ZMAT3: variants seen among roughly 807,000 people sequenced by gnomAD.
ZMAT3 encodes zinc finger matrin-type 3, also known as zinc finger matrin-type protein 3.
Under a neutral mutation model 32.3 loss-of-function variants are expected in ZMAT3, and 17 were observed. That is an observed-to-expected ratio of 0.53 (90% CI 0.36 to 0.79). The LOEUF (loss-of-function observed/expected upper bound fraction) is 0.79. ZMAT3 is among the 30% of genes least tolerant of loss of function. The pLI is 0.00. For synonymous variants in ZMAT3, 120 were observed against 133.1 expected, an observed-to-expected ratio of 0.90 and a Z score of 0.68; for missense variants, 329 against 359.7, an observed-to-expected ratio of 0.91 and a Z score of 0.69.
At chr3:179,058,026 TA>T (rs926358334) in intron 2 of ZMAT3, among the ~76,000 whole-genome samples, 2 of 152,218 alleles carry the variant, frequency 1.3e-5, no homozygotes, top group Non-Finnish European at 2.9e-5. Flanking sequence ...TAGGAGTCCT[TA>T]CACAGGTCCG....
At chr3:179,068,918 C>T (rs1009735353) in intron 1 of ZMAT3, among the ~76,000 whole-genome samples, 2 of 152,166 alleles carry the variant, frequency 1.3e-5, no homozygotes, top group East Asian at 1.9e-4. Flanking sequence ...CTATATGGGA[C>T]GCAATTAGCT....
chr3:179,035,838 C>T, intron 2 of ZMAT3, among the ~76,000 whole-genome samples: 1 of 152,218 alleles, frequency 6.6e-6, no homozygotes, highest in East Asian at 1.9e-4. Flanking sequence ...TCACGGAAGA[C>T]TTCCCTGAAA....
intron 2 of ZMAT3, among the ~76,000 whole-genome samples, chr3:179,031,292 T>G (rs1162401457): frequency 6.6e-6 from 1 of 151,398 alleles, no homozygotes; most frequent in East Asian, 1.9e-4. Flanking sequence ...GGTTTTAGGC[T>G]TCTACTAGAG....
chr3:179,025,808 A>C (rs1718836380), intron 5 of ZMAT3, among the ~76,000 whole-genome samples: 1 of 152,220 alleles, frequency 6.6e-6, no homozygotes, highest in African/African-American at 2.4e-5. Flanking sequence ...TGAATATCCC[A>C]AACTAGGATC....
intron 2 of ZMAT3, among the ~76,000 whole-genome samples, chr3:179,051,905 C>T (rs563117254): frequency 6.6e-6 from 1 of 152,110 alleles, no homozygotes; most frequent in East Asian, 1.9e-4. Context: ...TTCAACAAAA[C>T]AAACAAAAAC....
chr3:179,052,583 GT>G (rs546525011), intron 2 of ZMAT3, among the ~76,000 whole-genome samples: 36 of 152,130 alleles, frequency 2.4e-4, no homozygotes, highest in Non-Finnish European at 4.4e-4. Flanking sequence ...GGAAAACAGT[GT>G]GGAGATTCCT....
intron 5 of ZMAT3, among the ~76,000 whole-genome samples, chr3:179,026,850 T>G (rs1306634992): frequency 6.6e-6 from 1 of 152,176 alleles, no homozygotes. Context: ...CAGCCCACTC[T>G]CCCTACTGAA....
At chr3:179,037,359 T>C (rs1279812802) in intron 2 of ZMAT3, among the ~76,000 whole-genome samples, 3 of 152,202 alleles carry the variant, frequency 2.0e-5, no homozygotes, top group African/African-American at 4.8e-5. Context: ...CTGCCATTAC[T>C]GACATCTCTG....
intron 2 of ZMAT3, among the ~76,000 whole-genome samples, chr3:179,034,328 T>C (rs747706956): frequency 6.6e-6 from 1 of 152,202 alleles, no homozygotes; most frequent in Non-Finnish European, 1.5e-5. Flanking sequence ...CAGAGTCAAA[T>C]CCAGTGGTCA....
intron 2 of ZMAT3, among the ~76,000 whole-genome samples, chr3:179,044,423 T>C (rs1213955748): frequency 6.6e-6 from 1 of 152,068 alleles, no homozygotes; most frequent in Non-Finnish European, 1.5e-5. Flanking sequence ...GGCAGGAGGA[T>C]CACAAGGTCA....
At chr3:179,070,139 T>TAAAGG in intron 1 of ZMAT3, among the ~76,000 whole-genome samples, 1 of 152,156 alleles carries the variant, frequency 6.6e-6, no homozygotes, top group East Asian at 1.9e-4. Context: ...AACCTCTGGA[T>TAAAGG]AAAGGAAATC....
chr3:179,031,986 TCCCCCTCCTCCTCCCCCTCCCCCTCCTC>T lies in ZMAT3; in HGVS notation c.271-1015_271-988del, dbSNP rs1719253570. On this transcript the variant is annotated intron_variant, in intron 2 of 5. Coordinates refer to ENST00000311417, the MANE Select transcript of ZMAT3 (RefSeq NM_022470.4). ...CTCCTCCTCCCCCTCCCCCTCCTCC[TCCCCCTCCTCCTCCCCCTCCCCCTCCTC>T]CTCCCCCTCCCCCTCCACACAGCCT... is the stretch of plus-strand genomic sequence containing the variant. 2.9e-3 allele frequency among the ~76,000 whole-genome samples: 9 copies of T among 3,052 alleles called. 2 individuals carry two copies. Among genetic ancestry groups the T allele is most frequent in the African/African-American group, 9.9e-3 (7 of 708 alleles). 2.0% of individuals were successfully genotyped at this position (3,052 alleles called of 152,430 possible).
At chr3:179,026,111 A>T (rs1718852635) in intron 5 of ZMAT3, among the ~76,000 whole-genome samples, 1 of 152,114 alleles carries the variant, frequency 6.6e-6, no homozygotes, top group African/African-American at 2.4e-5. Flanking sequence ...ACCATGAGTT[A>T]TTTAGAAGTG....
intron 2 of ZMAT3, among the ~76,000 whole-genome samples, chr3:179,057,040 G>A (rs1553803108): frequency 6.6e-6 from 1 of 152,166 alleles, no homozygotes; most frequent in Non-Finnish European, 1.5e-5. Context: ...TCCAGTTCAA[G>A]TTAAACTAAA....
At chr3:179,028,048 C>T (rs897222966) in intron 3 of ZMAT3, among the ~76,000 whole-genome samples, 3 of 152,148 alleles carry the variant, frequency 2.0e-5, no homozygotes, top group African/African-American at 7.2e-5. Flanking sequence ...TAGTTGCTGT[C>T]GCCACTGAAG....
chr3:179,036,649 G>C (rs1719609204), intron 2 of ZMAT3, among the ~76,000 whole-genome samples: 1 of 152,064 alleles, frequency 6.6e-6, no homozygotes, highest in Non-Finnish European at 1.5e-5. Flanking sequence ...CTTTGGGGAA[G>C]AAGATAGAGT....
chr3:179,042,961 C>T (rs1720034313), intron 2 of ZMAT3, among the ~76,000 whole-genome samples: 1 of 152,158 alleles, frequency 6.6e-6, no homozygotes, highest in Admixed American at 6.5e-5. Flanking sequence ...CATCAGTGAA[C>T]TCCCATTCAC....
intron 1 of ZMAT3, among the ~76,000 whole-genome samples, chr3:179,069,346 A>C (rs1310609213): frequency 1.3e-5 from 2 of 152,014 alleles, no homozygotes; most frequent in African/African-American, 4.8e-5. Context: ...CCTCCCCCCC[A>C]GATGGCGCCG....
At chr3:179,043,269 C>T (rs1331966683) in intron 2 of ZMAT3, among the ~76,000 whole-genome samples, 1 of 152,214 alleles carries the variant, frequency 6.6e-6, no homozygotes, top group Non-Finnish European at 1.5e-5. Context: ...ATTGCCAAGA[C>T]AATCCTAAGC....
Sources: allele counts gnomAD v4.1 joint callset (sites outside exome capture counted in the v4.1 genomes callset), GRCh38; gene constraint gnomAD v4.1.1; transcripts MANE v1.5; gene names NCBI Gene and HGNC (gene_info 2026-07-23, HGNC 2026-07-21).